CSMD1: variants seen among roughly 807,000 people sequenced by gnomAD.
CSMD1 encodes CUB and sushi domain-containing protein 1.
A neutral mutation model predicts 417.5 loss-of-function variants in CSMD1; 213 were observed. That is an observed-to-expected ratio of 0.51 (90% CI 0.46 to 0.57). CSMD1 has a LOEUF of 0.57. CSMD1 is among the 20% of genes least tolerant of loss of function. The pLI is 0.00. For missense variants in CSMD1, 6,923 were observed against 4,529.7 expected (o/e 1.53, Z -15.17); for synonymous variants, 2,862 against 1,736.8 (o/e 1.65, Z -16.11).
At chr8:3,756,117 G>C (rs1797642107) in intron 5 of CSMD1, among the ~76,000 whole-genome samples, 2 of 151,960 alleles carry the variant, frequency 1.3e-5, no homozygotes, top group Admixed American at 1.3e-4. Flanking sequence ...AGCATTTTGG[G>C]AGGCCGAGGC....
At chr8:4,816,323 T>G (rs1420618091) in intron 1 of CSMD1, among the ~76,000 whole-genome samples, 2 of 152,008 alleles carry the variant, frequency 1.3e-5, no homozygotes, top group African/African-American at 4.8e-5. Context: ...TAGCTGGGAT[T>G]ACAGGCAAGC....
intron 5 of CSMD1, among the ~76,000 whole-genome samples, chr8:3,996,576 A>T (rs949600868): frequency 6.6e-6 from 1 of 152,146 alleles, no homozygotes; most frequent in African/African-American, 2.4e-5. Context: ...CATGAACTCT[A>T]ATGTTAGACA....
intron 49 of CSMD1, among the ~76,000 whole-genome samples, chr8:3,082,508 A>G (rs1163262803): frequency 6.6e-6 from 1 of 152,136 alleles, no homozygotes; most frequent in Non-Finnish European, 1.5e-5. Context: ...ACTTGTACTT[A>G]TCAGTTTTTA....
In CSMD1 at chr8:3,358,947, A is replaced by G. The variant is rs188017605; in HGVS notation, c.3304+205T>C. ...TCAATCATAAAATTTCAGAGCTGAA[A>G]GGGACTTACTTTATAGATGAGCTAA... On this transcript the variant is annotated intron_variant, in intron 21 of 69. Coordinates refer to ENST00000635120, the MANE Select transcript of CSMD1 (RefSeq NM_033225.6). 2.6e-5 allele frequency among the ~76,000 whole-genome samples: 4 copies of G among 152,244 alleles called. No individual in the cohort carries two copies. The East Asian group carries it at 7.7e-4, about 29-fold the overall frequency.
intron 3 of CSMD1, among the ~76,000 whole-genome samples, chr8:4,077,034 T>C (rs1184838867): frequency 6.6e-6 from 1 of 152,092 alleles, no homozygotes; most frequent in Non-Finnish European, 1.5e-5. Context: ...TAGGTAATTC[T>C]GTACTATGTG....
chr8:3,707,212 A>G (rs921609748), intron 7 of CSMD1, among the ~76,000 whole-genome samples: 26 of 152,324 alleles, frequency 1.7e-4, no homozygotes, highest in African/African-American at 6.3e-4. Context: ...ATCGTTGTCA[A>G]AAGATTGTGA....
intron 5 of CSMD1, among the ~76,000 whole-genome samples, chr8:3,929,456 A>C (rs924580270): frequency 6.6e-6 from 1 of 150,462 alleles, no homozygotes; most frequent in Non-Finnish European, 1.5e-5. Context: ...GAGGGGACAG[A>C]ACAAATCAGC....
At chr8:3,634,434 T>C (rs1378032151) in intron 7 of CSMD1, among the ~76,000 whole-genome samples, 5 of 152,206 alleles carry the variant, frequency 3.3e-5, no homozygotes, top group African/African-American at 1.2e-4. Flanking sequence ...GGGTCACACG[T>C]CATTCCTGGG....
At chr8:4,467,320 A>T (rs1477901319) in intron 2 of CSMD1, among the ~76,000 whole-genome samples, 1 of 152,110 alleles carries the variant, frequency 6.6e-6, no homozygotes, top group Non-Finnish European at 1.5e-5. Flanking sequence ...TATACAGATT[A>T]TTTAATTGAC....
intron 1 of CSMD1, among the ~76,000 whole-genome samples, chr8:4,857,099 A>G (rs1207985299): frequency 6.6e-6 from 1 of 150,816 alleles, no homozygotes; most frequent in Non-Finnish European, 1.5e-5. Context: ...ACTAGAATTC[A>G]GGATTAAGAA....
intron 29 of CSMD1, among the ~76,000 whole-genome samples, chr8:3,214,924 T>C (rs1361920734): frequency 1.3e-5 from 2 of 152,206 alleles, no homozygotes; most frequent in East Asian, 3.8e-4. Flanking sequence ...AAAAACCACA[T>C]TTTGCTACAG....
At chr8:3,649,124 G>T (rs938140800) in intron 7 of CSMD1, among the ~76,000 whole-genome samples, 1 of 152,140 alleles carries the variant, frequency 6.6e-6, no homozygotes, top group African/African-American at 2.4e-5. Flanking sequence ...TAGCAATACT[G>T]TACCATTCAG....
chr8:3,405,139 C>T (rs1049524167), intron 15 of CSMD1, among the ~76,000 whole-genome samples: 1 of 152,096 alleles, frequency 6.6e-6, no homozygotes, highest in African/African-American at 2.4e-5. Flanking sequence ...GTCTCATTCA[C>T]CTGTTTAAAT....
intron 1 of CSMD1, among the ~76,000 whole-genome samples, chr8:4,924,647 G>A (rs967913569): frequency 6.6e-6 from 1 of 150,436 alleles, no homozygotes; most frequent in South Asian, 2.1e-4. Context: ...ACTTGAAACT[G>A]GGAGGTGGAG....
At chr8:3,487,023 C>G (rs1048646805) in intron 11 of CSMD1, among the ~76,000 whole-genome samples, 1 of 152,144 alleles carries the variant, frequency 6.6e-6, no homozygotes, top group African/African-American at 2.4e-5. Context: ...CTCTCACACA[C>G]AGAAGGTGAC....
intron 25 of CSMD1, among the ~76,000 whole-genome samples, chr8:3,286,542 C>A (rs937370836): frequency 1.3e-5 from 2 of 152,086 alleles, no homozygotes; most frequent in Non-Finnish European, 2.9e-5. Context: ...GATGGTATCT[C>A]ATTGTGGTTT....
At chr8:3,961,722 C>G (rs923699567) in intron 5 of CSMD1, among the ~76,000 whole-genome samples, 1 of 152,186 alleles carries the variant, frequency 6.6e-6, no homozygotes, top group Non-Finnish European at 1.5e-5. Context: ...CTCATGGGAG[C>G]ATTTCCTGCG....
At chr8:4,332,500 T>C (rs966907668) in intron 3 of CSMD1, among the ~76,000 whole-genome samples, 10 of 151,086 alleles carry the variant, frequency 6.6e-5, no homozygotes, top group Non-Finnish European at 1.2e-4. Flanking sequence ...GGAGCTCTTC[T>C]TCTGGTTTTT....
At chr8:3,046,240 G>A (rs762312047) in intron 50 of CSMD1, among the ~76,000 whole-genome samples, 7 of 152,156 alleles carry the variant, frequency 4.6e-5, no homozygotes, top group Non-Finnish European at 1.0e-4. Context: ...GCGCTCAGGT[G>A]GTGACCTGGG....
Sources: gnomAD v4.1 joint callset for allele counts (sites outside exome capture counted in the v4.1 genomes callset) on GRCh38, gnomAD v4.1.1 for gene constraint, MANE v1.5 for transcripts, NCBI Gene and HGNC (gene_info 2026-07-23, HGNC 2026-07-21) for gene names.